LTBP1: variants seen among roughly 807,000 people sequenced by gnomAD.
The protein encoded by LTBP1 is latent-transforming growth factor beta-binding protein 1.
A neutral mutation model predicts 207.6 loss-of-function variants in LTBP1; 129 were observed. The ratio of observed to expected loss-of-function variants is 0.62; its 90% CI spans 0.54 to 0.72. The LOEUF is 0.72. Ranked by LOEUF, LTBP1 falls within the 30% of genes least tolerant of loss-of-function variation. LTBP1 has a pLI of 0.00. For missense variants in LTBP1, 2,281 were observed against 2,217.2 expected, an observed-to-expected ratio of 1.03 and a Z score of -0.58; for synonymous variants, 963 against 833.7, an observed-to-expected ratio of 1.16 and a Z score of -2.67.
At chr2:33,258,831 A>G (rs997748387) in intron 12 of LTBP1, among the ~76,000 whole-genome samples, 1 of 152,212 alleles carries the variant, frequency 6.6e-6, no homozygotes, top group Non-Finnish European at 1.5e-5. Flanking sequence ...TTTTTACAGG[A>G]GACATTGATT....
chr2:32,965,635 A>C (rs1336923104), intron 2 of LTBP1, among the ~76,000 whole-genome samples: 1 of 152,178 alleles, frequency 6.6e-6, no homozygotes, highest in Non-Finnish European at 1.5e-5. Flanking sequence ...AAGTTCCTCC[A>C]TGTCTTTTCA....
At chr2:33,177,706 C>T (rs1279426676) in intron 5 of LTBP1, among the ~76,000 whole-genome samples, 1 of 152,046 alleles carries the variant, frequency 6.6e-6, no homozygotes, top group Non-Finnish European at 1.5e-5. Context: ...ACAAGCTAAG[C>T]ACAGTAGAGG....
rs116698015 is a variant in LTBP1, at chr2:33,130,062, C to T, written c.1034-4731C>T. 8.2e-3 allele frequency among the ~76,000 whole-genome samples: 1,250 copies of T among 152,274 alleles called. 18 individuals carry two copies. The highest frequency in any genetic ancestry group is 0.028 in the African/African-American group (1,181 of 41,552). On this transcript the variant is annotated intron_variant, in intron 4 of 33. Transcript: ENST00000404816. ...AATAGTCCAGGAGGAGTTAAGCAAG[C>T]CTGGAGAGCTGAACAATAAAGTCCT...
intron 5 of LTBP1, among the ~76,000 whole-genome samples, chr2:33,178,534 A>G (rs929522921): frequency 6.7e-6 from 1 of 149,470 alleles, no homozygotes; most frequent in African/African-American, 2.6e-5. Context: ...AATTTGTGGT[A>G]TTTTTGGAAT....
At chr2:32,968,641 A>G (rs922533864) in intron 2 of LTBP1, among the ~76,000 whole-genome samples, 5 of 151,836 alleles carry the variant, frequency 3.3e-5, no homozygotes, top group African/African-American at 1.2e-4. Flanking sequence ...ATACAGTTGG[A>G]TTAATAGCTA....
chr2:33,339,255 T>C (rs575269806), intron 24 of LTBP1, among the ~76,000 whole-genome samples: 54 of 152,232 alleles, frequency 3.5e-4, no homozygotes, highest in African/African-American at 1.3e-3. Context: ...GATAATAAAT[T>C]CGTTTATTAT....
At chr2:33,080,076 G>C (rs565160977) in intron 3 of LTBP1, among the ~76,000 whole-genome samples, 111 of 152,242 alleles carry the variant, frequency 7.3e-4, no homozygotes, top group African/African-American at 2.5e-3. Flanking sequence ...ACCCAGGCTG[G>C]AGTGCAGTGG....
intron 3 of LTBP1, among the ~76,000 whole-genome samples, chr2:33,074,107 T>C (rs1373136359): frequency 6.6e-6 from 1 of 152,214 alleles, no homozygotes; most frequent in African/African-American, 2.4e-5. Context: ...GTGCAGATCG[T>C]CCGAAACTGT....
At chr2:32,998,475 C>G (rs1685623298) in intron 2 of LTBP1, among the ~76,000 whole-genome samples, 1 of 133,088 alleles carries the variant, frequency 7.5e-6, no homozygotes, top group African/African-American at 2.9e-5. Flanking sequence ...AAGATCGCCA[C>G]TGCACTCCAG....
chr2:32,967,433 A>G (rs1331566885), intron 2 of LTBP1, among the ~76,000 whole-genome samples: 1 of 151,976 alleles, frequency 6.6e-6, no homozygotes, highest in Non-Finnish European at 1.5e-5. Flanking sequence ...GATCTTTCTT[A>G]TTTTTAAATA....
intron 7 of LTBP1, among the ~76,000 whole-genome samples, chr2:33,198,295 T>C (rs1266481553): frequency 6.6e-6 from 1 of 152,148 alleles, no homozygotes; most frequent in Non-Finnish European, 1.5e-5. Flanking sequence ...CTGGATTCGG[T>C]TTGCTAGTAT....
At position 33,259,582 on chromosome 2, in the gene LTBP1, T is replaced by C; in HGVS notation, c.2396-6T>C. On this transcript the variant is annotated splice_region_variant and splice_polypyrimidine_tract_variant and intron_variant, in intron 12 of 33. Transcript: ENST00000404816. Reference sequence around the variant, plus strand: ...TACTAATACCCTTTTTCTTTTCTGGTTTTAGTGGCAACTGCACCCCCTGAA... The same window carrying C: ...TACTAATACCCTTTTTCTTTTCTGGCTTTAGTGGCAACTGCACCCCCTGAA... 1.9e-6 allele frequency: 3 copies of C among 1,601,298 alleles called. No individual in the cohort carries two copies. The highest frequency in any genetic ancestry group is 1.7e-6 in the Non-Finnish European group (2 of 1,174,214).
At chr2:33,375,740 C>T (rs2095131825) in intron 31 of LTBP1, among the ~76,000 whole-genome samples, 2 of 145,618 alleles carry the variant, frequency 1.4e-5, no homozygotes, top group East Asian at 4.0e-4. Flanking sequence ...GACGGGGTTT[C>T]ACCATGTTAG....
chr2:33,248,492 A>G lies in LTBP1; in HGVS notation c.2000-4185A>G, dbSNP rs567528312. 3.9e-5 allele frequency among the ~76,000 whole-genome samples: 6 copies of G among 152,258 alleles called. No homozygotes were observed. In the South Asian group the frequency reaches 1.0e-3, roughly 26 times the overall value. On this transcript the variant is annotated intron_variant, in intron 10 of 33. Coordinates refer to ENST00000404816, the MANE Select transcript of LTBP1 (RefSeq NM_206943.4). ...GGAGTAAGTCATTTATTTAAGGAGA[A>G]CTGACATTTTAATCTCACCTGCCAC...
intron 32 of LTBP1, among the ~76,000 whole-genome samples, chr2:33,394,119 T>G (rs1057391988): frequency 1.3e-5 from 2 of 152,136 alleles, no homozygotes; most frequent in African/African-American, 2.4e-5. Context: ...CATATCCTTC[T>G]CCCACTTTTT....
At chr2:32,978,383 C>A (rs1682165342) in intron 2 of LTBP1, among the ~76,000 whole-genome samples, 1 of 151,870 alleles carries the variant, frequency 6.6e-6, no homozygotes, top group Non-Finnish European at 1.5e-5. Flanking sequence ...TTTTTCTATA[C>A]CCAGTTGTTT....
At chr2:33,297,576 C>T (rs1185914469) in intron 20 of LTBP1, among the ~76,000 whole-genome samples, 58 of 151,950 alleles carry the variant, frequency 3.8e-4, no homozygotes, top group Non-Finnish European at 1.0e-4. Flanking sequence ...GGACTACAGG[C>T]ACGTGCCATC....
chr2:33,219,827 A>T (rs2090979954), intron 8 of LTBP1, among the ~76,000 whole-genome samples: 1 of 152,108 alleles, frequency 6.6e-6, no homozygotes, highest in Non-Finnish European at 1.5e-5. Flanking sequence ...TGTGATAGAC[A>T]TTAAAGGTAA....
chr2:32,947,915 C>G (rs946432877), intron 1 of LTBP1, 97 bp downstream of exon 1: 2 of 1,132,270 alleles, frequency 1.8e-6, no homozygotes, highest in Admixed American at 4.4e-5. Context: ...CCGCGGTGGC[C>G]AGGGCGGTCG....
Sources: gnomAD v4.1 joint callset for allele counts (sites outside exome capture counted in the v4.1 genomes callset) on GRCh38, gnomAD v4.1.1 for gene constraint, MANE v1.5 for transcripts, NCBI Gene and HGNC (gene_info 2026-07-23, HGNC 2026-07-21) for gene names.